PLA2G2C: variants seen among roughly 807,000 people sequenced by gnomAD.
The protein encoded by PLA2G2C is phospholipase A2 group IIC, also known as putative inactive group IIC secretory phospholipase A2.
In PLA2G2C, 15 loss-of-function variants were observed where a neutral mutation model predicts 14.3. The observed-to-expected ratio is 1.05, with a 90% CI of 0.70 to 1.62. The LOEUF (loss-of-function observed/expected upper bound fraction) is 1.62. Ranked by LOEUF, PLA2G2C falls within the 40% of genes most tolerant of loss-of-function variation. PLA2G2C has a pLI of 0.00. For synonymous variants in PLA2G2C, 79 were observed against 67.7 expected (o/e 1.17, Z -0.82); for missense variants, 162 against 173.2 (o/e 0.94, Z 0.36).
At position 20,172,774 on chromosome 1, in the gene PLA2G2C, A is replaced by G. The variant is rs776763007; in HGVS notation, c.283+20T>C. On this transcript the variant is annotated intron_variant, in intron 4 of 4. Transcript: ENST00000679259. The stretch of plus-strand genomic sequence containing the variant: ...AAGGCCCAGGTTAAAAGACATTTCC[A>G]TACAGAAAAGGCTACTCACAAACCA... The G allele has an allele frequency of 6.3e-7, 1 of 1,596,352 alleles. No homozygotes were observed.
intron 3 of PLA2G2C, among the ~76,000 whole-genome samples, chr1:20,173,154 TAA>T (rs35364141): frequency 5.7e-4 from 78 of 135,864 alleles, no homozygotes; most frequent in African/African-American, 1.7e-3. Context: ...TTTTTAAGTT[TAA>T]AAAAAAAAAA....
At chr1:20,185,726 A>T (rs777417491) in intron 1 of PLA2G2C, among the ~76,000 whole-genome samples, 13 of 152,188 alleles carry the variant, frequency 8.5e-5, no homozygotes, top group Non-Finnish European at 1.2e-4. Context: ...GCCTCATTTT[A>T]AAACCAGGGA....
chr1:20,165,675 T>C lies in PLA2G2C; in HGVS notation c.284-1518A>G, dbSNP rs76857626. Among the ~76,000 whole-genome samples the C allele has an allele frequency of 1.3e-3, 193 of 152,156 alleles. 5 individuals are homozygous for C. In the East Asian group the frequency reaches 0.024, roughly 19 times the overall value. ...CGCACTGTGTGCATGCACATGTGTG[T>C]GCATGTGTGTGCATGCGCGTGTGTG... On this transcript the variant is annotated intron_variant, in intron 4 of 4. Coordinates refer to ENST00000679259, the MANE Select transcript of PLA2G2C (RefSeq NM_001367969.2).
chr1:20,184,738 G>T (rs2018337332), intron 1 of PLA2G2C: 1 of 152,322 alleles, frequency 6.6e-6, no homozygotes, highest in African/African-American at 2.4e-5. Flanking sequence ...CCATATGATG[G>T]CTTCTATTTT....
In PLA2G2C at chr1:20,167,999, C is replaced by G. The variant is rs1025486011; in HGVS notation, c.284-3842G>C. Among the ~76,000 whole-genome samples the G allele has an allele frequency of 7.9e-5, 12 of 152,230 alleles. 1 individual carries two copies. In the South Asian group the frequency reaches 8.3e-4, roughly 11 times the overall value. ...TCTCTTGTTCTTTTTGGAACACAAGCTCCTTCCAGGCAAGGATTTTGTCCT... is the reference window on the plus strand; with the variant it reads ...TCTCTTGTTCTTTTTGGAACACAAGGTCCTTCCAGGCAAGGATTTTGTCCT... On this transcript the variant is annotated intron_variant, in intron 4 of 4. Transcript: ENST00000679259.
At chr1:20,184,228 C>CAA (rs3035015) in intron 1 of PLA2G2C, 1 of 152,198 alleles carries the variant, frequency 6.6e-6, no homozygotes, top group Admixed American at 6.6e-5. Context: ...CACACACACA[C>CAA]GGTGAGAAGC....
At chr1:20,164,505 GA>G (rs2100709629) in intron 4 of PLA2G2C, among the ~76,000 whole-genome samples, 1 of 152,270 alleles carries the variant, frequency 6.6e-6, no homozygotes, top group Admixed American at 6.5e-5. Flanking sequence ...GGCATCCCAC[GA>G]GTGCTGGAGA....
At chr1:20,164,996 A>C (rs2017951594) in intron 4 of PLA2G2C, among the ~76,000 whole-genome samples, 1 of 152,226 alleles carries the variant, frequency 6.6e-6, no homozygotes, top group Non-Finnish European at 1.5e-5. Flanking sequence ...TCTGGCTTAC[A>C]GCCCCAGTGT....
chr1:20,183,266 G>A (rs147776185), intron 1 of PLA2G2C, among the ~76,000 whole-genome samples: 3 of 152,320 alleles, frequency 2.0e-5, no homozygotes, highest in East Asian at 1.9e-4. Flanking sequence ...TTTACCTAAC[G>A]TCTTCAGCTG....
chr1:20,177,203 T>G, intron 2 of PLA2G2C, 121 bp downstream of exon 2: 1 of 693,964 alleles, frequency 1.4e-6, no homozygotes, highest in Admixed American at 2.0e-5. Flanking sequence ...GTTCCTTTCC[T>G]GATTCTTTTC....
At chr1:20,167,350 C>T (rs2017996065) in intron 4 of PLA2G2C, among the ~76,000 whole-genome samples, 1 of 152,168 alleles carries the variant, frequency 6.6e-6, no homozygotes, top group African/African-American at 2.4e-5. Flanking sequence ...TTGCTGTCTT[C>T]ATCATCAGCT....
Position 20,172,888 on chromosome 1 carries a change from G to A in PLA2G2C, c.189C>T (p.Pro63=). 4 of 1,613,626 alleles carry A rather than the reference G, an allele frequency of 2.5e-6. No homozygotes were observed. The highest frequency in any genetic ancestry group is 3.4e-6 in the Non-Finnish European group (4 of 1,179,732). The change falls in exon 4 of 5, where the codon CCC becomes CCT. Residue 63 remains proline, a synonymous_variant. Transcript: ENST00000679259. Reference sequence around the variant, plus strand: ...GCTTCTCGTAGGGAGAGGGAGATGAGGGGCTGTGCCTGGAAGTGGGTCCCT... The same window carrying A: ...GCTTCTCGTAGGGAGAGGGAGATGAAGGGCTGTGCCTGGAAGTGGGTCCCT... The part of the protein sequence containing the change: ...IPVDDTDRHS[P]SSPSPYEKLK...
intron 1 of PLA2G2C, among the ~76,000 whole-genome samples, chr1:20,181,724 C>T (rs1162025432): frequency 6.6e-6 from 1 of 152,144 alleles, no homozygotes; most frequent in Non-Finnish European, 1.5e-5. Context: ...GGAAGGTAAG[C>T]AAGGGGTGAT....
intron 4 of PLA2G2C, among the ~76,000 whole-genome samples, chr1:20,171,974 A>G (rs1475030695): frequency 6.6e-6 from 1 of 151,592 alleles, no homozygotes; most frequent in African/African-American, 2.4e-5. Flanking sequence ...CGTGTTAGCC[A>G]GGATGGTCTC....
chr1:20,177,874 C>T (rs904785043), intron 1 of PLA2G2C, among the ~76,000 whole-genome samples: 3 of 152,158 alleles, frequency 2.0e-5, no homozygotes, highest in Non-Finnish European at 4.4e-5. Context: ...CCTCTCTGCA[C>T]CTTGGTTTCT....
Position 20,163,750 on chromosome 1 carries a change from G to A in PLA2G2C, c.*241C>T. Reference sequence around the variant, plus strand: ...CATTTGTAGTCCTCCCCACTCCACAGAATGCCAGCTCCTGCAGGGCAGGCA... The same window carrying A: ...CATTTGTAGTCCTCCCCACTCCACAAAATGCCAGCTCCTGCAGGGCAGGCA... On this transcript the variant is annotated 3_prime_UTR_variant, in exon 5 of 5. Coordinates refer to ENST00000679259, the MANE Select transcript of PLA2G2C (RefSeq NM_001367969.2). The A allele has an allele frequency of 2.0e-6, 1 of 511,122 alleles. No individual in the cohort carries two copies. 31.7% of individuals were successfully genotyped at this position (511,122 alleles called of 1,614,324 possible). A position where few individuals can be genotyped will look rare whatever the true frequency, so the allele number is the denominator to read the frequency against.
chr1:20,176,618 G>A (rs766405903), intron 2 of PLA2G2C, among the ~76,000 whole-genome samples: 4 of 152,318 alleles, frequency 2.6e-5, no homozygotes, highest in Non-Finnish European at 4.4e-5. Flanking sequence ...TCATCCCTGC[G>A]TACAGGTATC....
rs2018225461 is a variant in PLA2G2C, at chr1:20,178,506, G to A, written c.-76-1067C>T. On this transcript the variant is annotated intron_variant, in intron 1 of 4. Transcript: ENST00000679259. ...TTCCCCCTTTGGCAACATTCTGGTG[G>A]ATGCTGCGAGGTCGGGCCCTGACCA... Among the ~76,000 whole-genome samples the A allele has an allele frequency of 2.0e-5, 3 of 152,152 alleles. No individual in the cohort carries two copies. In the South Asian group the frequency reaches 6.2e-4, roughly 32 times the overall value.
intron 4 of PLA2G2C, among the ~76,000 whole-genome samples, chr1:20,171,957 G>T (rs1032316237): frequency 2.0e-5 from 3 of 151,630 alleles, no homozygotes; most frequent in Admixed American, 2.0e-4. Context: ...TAGAGACGGG[G>T]TTTCACCGTG....
Sources: allele counts gnomAD v4.1 joint callset (sites outside exome capture counted in the v4.1 genomes callset), GRCh38; gene constraint gnomAD v4.1.1; transcripts MANE v1.5; gene names NCBI Gene and HGNC (gene_info 2026-07-23, HGNC 2026-07-21).